The following LIMCH1 variants were observed in gnomAD, a reference collection of about 807,000 sequenced individuals.
The protein encoded by LIMCH1 is LIM and calponin homology domains 1, also known as LIM and calponin homology domains-containing protein 1.
Under a neutral mutation model 176.5 loss-of-function variants are expected in LIMCH1, and 113 were observed. That is an observed-to-expected ratio of 0.64 (90% CI 0.55 to 0.75). The LOEUF (loss-of-function observed/expected upper bound fraction) is 0.75. LIMCH1 is among the 30% of genes least tolerant of loss of function. The probability of loss-of-function intolerance (pLI) is 0.00; values close to 1 mark genes in which losing one functional copy is unlikely to be tolerated. For missense variants in LIMCH1, 1,674 were observed against 1,814.9 expected (o/e 0.92, Z 1.41); for synonymous variants, 619 against 645.9 (o/e 0.96, Z 0.63).
At chr4:41,447,050 G>A (rs1425781096) in intron 1 of LIMCH1, among the ~76,000 whole-genome samples, 2 of 152,162 alleles carry the variant, frequency 1.3e-5, no homozygotes, top group African/African-American at 4.8e-5. Flanking sequence ...GCAACATGGT[G>A]AAACCCTGTC....
intron 1 of LIMCH1, among the ~76,000 whole-genome samples, chr4:41,416,844 CAAAG>C (rs1288089429): frequency 6.6e-6 from 1 of 151,886 alleles, no homozygotes; most frequent in African/African-American, 2.4e-5. Context: ...GCTGACAGGC[CAAAG>C]AAAGAAGCTG....
chr4:41,678,603 C>T (rs1203745883), intron 23 of LIMCH1, among the ~76,000 whole-genome samples: 1 of 152,122 alleles, frequency 6.6e-6, no homozygotes, highest in Non-Finnish European at 1.5e-5. Flanking sequence ...AAGGGGTGAC[C>T]CTGGTAACAG....
chr4:41,645,648 A>G (rs1285475348), intron 15 of LIMCH1, among the ~76,000 whole-genome samples: 1 of 152,192 alleles, frequency 6.6e-6, no homozygotes. Context: ...GATCAGATGA[A>G]TTAATACATA....
At chr4:41,615,661 G>A (rs551537886) in intron 5 of LIMCH1, among the ~76,000 whole-genome samples, 3 of 152,248 alleles carry the variant, frequency 2.0e-5, no homozygotes, top group East Asian at 1.9e-4. Flanking sequence ...TTTCATAAGC[G>A]TTTATAGTAT....
In LIMCH1 at chr4:41,613,352, C is replaced by T. The variant is rs574010656; in HGVS notation, c.10-114C>T. ...TGATCCTGTAACTGGTTTCCACAAC[C>T]TTTCCATTCTGATGTGATATGCAGG... On this transcript the variant is annotated intron_variant, in intron 4 of 31. Transcript: ENST00000503057. 12 of 913,750 alleles carry T rather than the reference C, an allele frequency of 1.3e-5. 1 individual carries two copies. The Admixed American group carries it at 1.6e-4, about 12-fold the overall frequency. 56.6% of individuals were successfully genotyped at this position (913,750 alleles called of 1,614,324 possible).
At chr4:41,407,968 T>C (rs1236643479) in intron 1 of LIMCH1, among the ~76,000 whole-genome samples, 2 of 152,178 alleles carry the variant, frequency 1.3e-5, no homozygotes, top group Non-Finnish European at 2.9e-5. Flanking sequence ...GGAAACAAAA[T>C]AGGAACTATT....
At chr4:41,559,927 C>A (rs2081838377) in intron 1 of LIMCH1, among the ~76,000 whole-genome samples, 1 of 152,090 alleles carries the variant, frequency 6.6e-6, no homozygotes. Context: ...TGCTAAGGAA[C>A]CCCAAGTCCA....
intron 22 of LIMCH1, among the ~76,000 whole-genome samples, chr4:41,673,413 GA>G (rs2095117737): frequency 1.3e-5 from 2 of 152,168 alleles, no homozygotes; most frequent in South Asian, 4.2e-4. Flanking sequence ...CTTGTTTAAG[GA>G]AAATAGAATA....
chr4:41,598,608 G>A (rs887523958), intron 1 of LIMCH1, among the ~76,000 whole-genome samples: 1 of 151,938 alleles, frequency 6.6e-6, no homozygotes, highest in Admixed American at 6.6e-5. Context: ...AAGCAATAAG[G>A]AATACCTGTT....
At chr4:41,491,633 G>A (rs2071030711) in intron 1 of LIMCH1, among the ~76,000 whole-genome samples, 1 of 144,522 alleles carries the variant, frequency 6.9e-6, no homozygotes, top group African/African-American at 2.6e-5. Context: ...GGGCAGAGGT[G>A]CTCCTCACTT....
intron 18 of LIMCH1, among the ~76,000 whole-genome samples, 159 bp downstream of exon 18, chr4:41,650,767 CA>C: frequency 6.6e-6 from 1 of 152,266 alleles, no homozygotes; most frequent in East Asian, 1.9e-4. Context: ...GTGGCTTAAA[CA>C]ACAGAAACTG....
At chr4:41,562,046 CCT>C (rs1491384673) in intron 1 of LIMCH1, among the ~76,000 whole-genome samples, 2 of 152,080 alleles carry the variant, frequency 1.3e-5, no homozygotes, top group African/African-American at 2.4e-5. Flanking sequence ...TTTGCTTCTG[CCT>C]CTGTTACGAG....
chr4:41,451,994 G>A lies in LIMCH1; in HGVS notation c.97-42542G>A, dbSNP rs866300883. Among the ~76,000 whole-genome samples the A allele has an allele frequency of 2.0e-5, 3 of 152,208 alleles. No homozygotes were observed. In the South Asian group the frequency reaches 6.2e-4, roughly 32 times the overall value. ...TTGCCTCCTCATAAGCCCTAGGCAC[G>A]CTTTCTGGATAAACTCTTTCTTCTT... On this transcript the variant is annotated intron_variant, in intron 1 of 26. Transcript: ENST00000313860.
At chr4:41,580,958 C>G (rs1347695448) in intron 1 of LIMCH1, among the ~76,000 whole-genome samples, 1 of 151,940 alleles carries the variant, frequency 6.6e-6, no homozygotes, top group African/African-American at 2.4e-5. Context: ...AAAATTGATC[C>G]CAGAAGTAGA....
intron 21 of LIMCH1, among the ~76,000 whole-genome samples, chr4:41,671,254 T>G (rs961597602): frequency 6.6e-6 from 1 of 151,986 alleles, no homozygotes; most frequent in African/African-American, 2.4e-5. Flanking sequence ...TAGGAACAGT[T>G]TTTGCTTCCT....
chr4:41,459,785 CAG>C (rs2065064094), intron 1 of LIMCH1, among the ~76,000 whole-genome samples: 3 of 152,112 alleles, frequency 2.0e-5, no homozygotes, highest in Non-Finnish European at 2.9e-5. Context: ...AGCCCAGAGA[CAG>C]GGGCTGCTAA....
chr4:41,638,065 T>C (rs1005289140), intron 13 of LIMCH1, among the ~76,000 whole-genome samples: 2 of 152,122 alleles, frequency 1.3e-5, no homozygotes, highest in African/African-American at 4.8e-5. Flanking sequence ...AAACTCGCCT[T>C]TGCTGAAGAG....
At chr4:41,527,754 C>T (rs1378156653) in intron 3 of LIMCH1, among the ~76,000 whole-genome samples, 4 of 136,990 alleles carry the variant, frequency 2.9e-5, no homozygotes, top group African/African-American at 8.3e-5. Context: ...ACCCGGGAGG[C>T]GGAGCTTGCA....
At chr4:41,578,993 G>A (rs1381229281) in intron 1 of LIMCH1, among the ~76,000 whole-genome samples, 7 of 151,622 alleles carry the variant, frequency 4.6e-5, no homozygotes, top group Non-Finnish European at 1.5e-5. Flanking sequence ...GTGAACCACT[G>A]CACCCAGCTC....
Sources: allele counts gnomAD v4.1 joint callset (sites outside exome capture counted in the v4.1 genomes callset), GRCh38; gene constraint gnomAD v4.1.1; transcripts MANE v1.5; gene names NCBI Gene and HGNC (gene_info 2026-07-23, HGNC 2026-07-21).